The following NDUFA12 variants were observed in gnomAD, a reference collection of about 807,000 sequenced individuals.
NDUFA12 encodes the protein NADH dehydrogenase [ubiquinone] 1 alpha subcomplex subunit 12.
NDUFA12 carries 17 observed loss-of-function variants against 20.3 expected under a neutral mutation model. The ratio of observed to expected loss-of-function variants is 0.84; its 90% CI spans 0.57 to 1.26. The LOEUF is 1.26. NDUFA12 is among the 50% of genes most tolerant of loss of function. The probability of loss-of-function intolerance (pLI) is 0.00; values close to 1 mark genes in which losing one functional copy is unlikely to be tolerated. For missense variants in NDUFA12, 191 were observed against 183.7 expected, an observed-to-expected ratio of 1.04 and a Z score of -0.23; for synonymous variants, 72 against 63.6, an observed-to-expected ratio of 1.13 and a Z score of -0.63.
At chr12:94,994,770 A>T (rs1219952382) in intron 2 of NDUFA12, among the ~76,000 whole-genome samples, 1 of 152,244 alleles carries the variant, frequency 6.6e-6, no homozygotes, top group East Asian at 1.9e-4. Context: ...GGTACATAGG[A>T]CAGCTCATGT....
At chr12:94,976,852 A>G (rs1032540395) in intron 3 of NDUFA12, among the ~76,000 whole-genome samples, 1 of 152,218 alleles carries the variant, frequency 6.6e-6, no homozygotes, top group Non-Finnish European at 1.5e-5. Flanking sequence ...CACATTCCAC[A>G]TATGGAATTT....
intron 2 of NDUFA12, among the ~76,000 whole-genome samples, chr12:95,001,808 G>A (rs1159386722): frequency 6.6e-6 from 1 of 151,966 alleles, no homozygotes; most frequent in African/African-American, 2.4e-5. Flanking sequence ...TGGTTCAAGC[G>A]ATTCTCCTGC....
At chr12:94,979,730 G>A (rs555605117) in intron 3 of NDUFA12, among the ~76,000 whole-genome samples, 2 of 151,890 alleles carry the variant, frequency 1.3e-5, no homozygotes, top group South Asian at 2.1e-4. Context: ...AGCTACCCAG[G>A]TGGCAGAGGC....
At chr12:94,974,681 C>A (rs1411618587) in intron 3 of NDUFA12, among the ~76,000 whole-genome samples, 3 of 152,152 alleles carry the variant, frequency 2.0e-5, no homozygotes, top group Non-Finnish European at 4.4e-5. Context: ...GAACAACATC[C>A]TGTCATTAGT....
At chr12:94,984,003 G>C (rs997922137) in intron 3 of NDUFA12, among the ~76,000 whole-genome samples, 8 of 152,140 alleles carry the variant, frequency 5.3e-5, no homozygotes, top group African/African-American at 1.9e-4. Context: ...TGGCAAGCTG[G>C]TTTGGGGTGC....
At chr12:94,988,224 A>G (rs561548425) in intron 3 of NDUFA12, among the ~76,000 whole-genome samples, 147 of 152,308 alleles carry the variant, frequency 9.7e-4, no homozygotes, top group Non-Finnish European at 1.9e-3. Flanking sequence ...CCAACCAAAA[A>G]GCCCTAAGAG....
At chr12:94,987,224 T>C (rs991278950) in intron 3 of NDUFA12, among the ~76,000 whole-genome samples, 1 of 152,086 alleles carries the variant, frequency 6.6e-6, no homozygotes, top group African/African-American at 2.4e-5. Context: ...AACCTAGTCA[T>C]GAGGAAACAT....
chr12:94,972,472 T>A (rs1284932334), intron 3 of NDUFA12: 1 of 454,548 alleles, frequency 2.2e-6, no homozygotes, highest in African/African-American at 2.0e-5. Context: ...AAGGTTTAGT[T>A]TAAAACCCAT....
At chr12:94,976,788 A>C (rs937824195) in intron 3 of NDUFA12, among the ~76,000 whole-genome samples, 6 of 152,216 alleles carry the variant, frequency 3.9e-5, no homozygotes, top group Admixed American at 3.9e-4. Context: ...AATTTTCTAT[A>C]ATGAACATGC....
intron 1 of NDUFA12, 37 bp downstream of exon 1, chr12:95,003,558 A>G: frequency 3.7e-6 from 6 of 1,605,278 alleles, no homozygotes; most frequent in Non-Finnish European, 4.3e-6. Flanking sequence ...GCGAAAGTCC[A>G]GCCCCAGAGG....
At chr12:95,003,486 G>A (rs933259962) in intron 1 of NDUFA12, 109 bp downstream of exon 1, 25 of 1,205,600 alleles carry the variant, frequency 2.1e-5, no homozygotes, top group Admixed American at 1.0e-4. Flanking sequence ...GGTTGTCCTT[G>A]ACAAGAGCTG....
intron 2 of NDUFA12, among the ~76,000 whole-genome samples, chr12:94,995,959 G>A (rs1430178542): frequency 2.6e-5 from 4 of 151,310 alleles, no homozygotes; most frequent in Non-Finnish European, 5.9e-5. Context: ...CTTAATCCCA[G>A]GACTCTGGAA....
intron 2 of NDUFA12, among the ~76,000 whole-genome samples, chr12:95,002,437 CAAAAAAAAAAAAAAAAA>C (rs71075895): frequency 3.1e-5 from 2 of 63,622 alleles, no homozygotes; most frequent in Admixed American, 2.0e-4. Context: ...GACTCCATCT[CAAAAAAAAAAAAAAAAA>C]AAAAAAAAAA....
chr12:94,982,611 T>C (rs1431004917), intron 3 of NDUFA12, among the ~76,000 whole-genome samples: 1 of 151,912 alleles, frequency 6.6e-6, no homozygotes, highest in East Asian at 1.9e-4. Flanking sequence ...CAGCTCAGGC[T>C]CAAGGGAGAT....
chr12:94,972,384 G>C (rs918983751), intron 3 of NDUFA12: 11 of 403,836 alleles, frequency 2.7e-5, no homozygotes, highest in Non-Finnish European at 5.1e-5. Context: ...TTTTAGAACT[G>C]ATAAAAATAC....
chr12:94,996,890 G>GA (rs1429383609), intron 2 of NDUFA12: 1 of 329,264 alleles, frequency 3.0e-6, no homozygotes, highest in Non-Finnish European at 5.9e-6. Context: ...GTGAGAAGTA[G>GA]AAAGAATAAT....
At chr12:94,992,326 T>A (rs1295273188) in intron 3 of NDUFA12, among the ~76,000 whole-genome samples, 1 of 152,232 alleles carries the variant, frequency 6.6e-6, no homozygotes, top group African/African-American at 2.4e-5. Context: ...AGGGCTCTCA[T>A]TTTATAGACA....
intron 2 of NDUFA12, among the ~76,000 whole-genome samples, chr12:94,998,715 T>C (rs1474717577): frequency 2.0e-5 from 3 of 152,058 alleles, no homozygotes; most frequent in Non-Finnish European, 2.9e-5. Context: ...AATCAAGAAC[T>C]CCATCCCTTT....
At chr12:95,002,494 G>C (rs1431043662) in intron 2 of NDUFA12, among the ~76,000 whole-genome samples, 1 of 147,896 alleles carries the variant, frequency 6.8e-6, no homozygotes, top group East Asian at 2.0e-4. Context: ...TTTGATAGGT[G>C]AAAAATATAT....
Sources: allele counts gnomAD v4.1 joint callset (sites outside exome capture counted in the v4.1 genomes callset), GRCh38; gene constraint gnomAD v4.1.1; transcripts MANE v1.5; gene names NCBI Gene and HGNC (gene_info 2026-07-23, HGNC 2026-07-21).